The following CADM1 variants were observed in gnomAD, a reference collection of about 807,000 sequenced individuals.
CADM1 encodes the protein TSLC-1.
A neutral mutation model predicts 53.1 loss-of-function variants in CADM1; 15 were observed. The ratio of observed to expected loss-of-function variants is 0.28; its 90% CI spans 0.19 to 0.44. CADM1 has a LOEUF of 0.44. CADM1 is among the 20% of genes least tolerant of loss of function. The pLI is 1.00. For missense variants in CADM1, 434 were observed against 611.3 expected (o/e 0.71, Z 3.06); for synonymous variants, 281 against 243.0 (o/e 1.16, Z -1.45).
chr11:115,432,632 T>C (rs1388863108), intron 1 of CADM1, among the ~76,000 whole-genome samples: 2 of 152,210 alleles, frequency 1.3e-5, no homozygotes, highest in Non-Finnish European at 2.9e-5. Context: ...ATTTCAATAT[T>C]TGTATTGCTC....
At chr11:115,306,856 T>G (rs1014384638) in intron 1 of CADM1, among the ~76,000 whole-genome samples, 1 of 152,012 alleles carries the variant, frequency 6.6e-6, no homozygotes, top group East Asian at 1.9e-4. Flanking sequence ...AGTTTTAATT[T>G]GGTTAATGCA....
chr11:115,314,326 T>G (rs924071611), intron 1 of CADM1, among the ~76,000 whole-genome samples: 11 of 152,130 alleles, frequency 7.2e-5, no homozygotes, highest in Non-Finnish European at 1.0e-4. Flanking sequence ...GGGTCCCTAT[T>G]ATGCATCAAC....
intron 5 of CADM1, among the ~76,000 whole-genome samples, chr11:115,224,452 A>G (rs1269681243): frequency 6.6e-6 from 1 of 152,052 alleles, no homozygotes; most frequent in Non-Finnish European, 1.5e-5. Flanking sequence ...TCAAGCACCC[A>G]TTTCTAGAGT....
rs1183066817 is a variant in CADM1 at position 115,178,648 on chromosome 11, A to T, written c.1293T>A (p.His431Gln). ...GTCTGCTGAAGCTTTGCTTACCTTT[A>T]TGTCTGGCAAAATAGCGCCCCAGAA... Reference protein sequence around the residue: ...LIILGRYFARHKGTYFTHEAK... With the variant: ...LIILGRYFARQKGTYFTHEAK... The change falls in exon 11 of 12, where the codon CAT (histidine) becomes CAA (glutamine). Residue 431 changes from histidine (H) to glutamine (Q), a missense_variant. By Grantham distance (24) the His-to-Gln change is conservative. Around this residue, in one of 4 missense-constraint regions of CADM1, gnomAD observed 311 missense variants for 435.1 expected, o/e 0.71. Coordinates refer to ENST00000331581, the MANE Select transcript of CADM1 (RefSeq NM_001301043.2). The T allele has an allele frequency of 6.2e-7, 1 of 1,613,062 alleles. No homozygotes were observed. Among genetic ancestry groups the T allele is most frequent in the Admixed American group, 1.7e-5 (1 of 60,002 alleles).
chr11:115,240,681 T>C (rs1942197639), intron 1 of CADM1: 8 of 495,142 alleles, frequency 1.6e-5, no homozygotes, highest in Admixed American at 6.4e-5. Flanking sequence ...TAGTACTTTG[T>C]ACTAGTTGAG....
intron 1 of CADM1, among the ~76,000 whole-genome samples, chr11:115,257,498 C>A (rs4936326): frequency 6.6e-6 from 1 of 152,164 alleles, no homozygotes; most frequent in Non-Finnish European, 1.5e-5. Flanking sequence ...AGAACCTTAA[C>A]CTTTAGAATG....
chr11:115,289,389 AAGTT>A (rs1396300235), intron 1 of CADM1, among the ~76,000 whole-genome samples: 1 of 151,500 alleles, frequency 6.6e-6, no homozygotes, highest in African/African-American at 2.4e-5. Context: ...TAAATAAATC[AAGTT>A]ATTTATTTAC....
chr11:115,465,216 G>T (rs1948873977), intron 1 of CADM1, among the ~76,000 whole-genome samples: 1 of 151,930 alleles, frequency 6.6e-6, no homozygotes, highest in South Asian at 2.1e-4. Context: ...ACTACATCCG[G>T]GCTTGAAGAA....
chr11:115,238,738 T>A, intron 2 of CADM1, 86 bp from the exon 3 acceptor site: 2 of 1,368,252 alleles, frequency 1.5e-6, no homozygotes, highest in Non-Finnish European at 2.1e-6. Context: ...TCTTGCTGTA[T>A]CTGATACTTC....
Position 115,176,117 on chromosome 11 carries a change from A to C in CADM1, c.*357T>G. 9.1e-7 allele frequency: 1 copy of C among 1,100,604 alleles called. No homozygotes were observed. The highest frequency in any genetic ancestry group is 1.1e-6 in the Non-Finnish European group (1 of 898,208). The allele number at this position is 1,100,604 out of a possible 1,614,324, so 68.2% of individuals were successfully genotyped here. A position where few individuals can be genotyped will look rare whatever the true frequency, so the allele number is the denominator to read the frequency against. On this transcript the variant is annotated 3_prime_UTR_variant, in exon 12 of 12. Coordinates refer to ENST00000331581, the MANE Select transcript of CADM1 (RefSeq NM_001301043.2). ...AAAAATCCGAAATTGGGGTAGAGGG[A>C]GGAAATAAATGTGCACAAAGGGGGA...
chr11:115,447,065 A>C (rs1948467546), intron 1 of CADM1, among the ~76,000 whole-genome samples: 1 of 152,214 alleles, frequency 6.6e-6, no homozygotes, highest in African/African-American at 2.4e-5. Flanking sequence ...TATGGTACAA[A>C]CATAACAGGT....
At chr11:115,443,067 C>T (rs543716573) in intron 1 of CADM1, among the ~76,000 whole-genome samples, 1 of 152,286 alleles carries the variant, frequency 6.6e-6, no homozygotes, top group East Asian at 1.9e-4. Flanking sequence ...TACTTCAGTA[C>T]CTCTTTCATT....
chr11:115,353,073 T>A (rs1945778146), intron 1 of CADM1, among the ~76,000 whole-genome samples: 1 of 152,240 alleles, frequency 6.6e-6, no homozygotes, highest in Non-Finnish European at 1.5e-5. Context: ...TGCTAAAGGC[T>A]TTTTGAGTTT....
intron 1 of CADM1, among the ~76,000 whole-genome samples, chr11:115,427,690 GA>G (rs1947926086): frequency 6.6e-6 from 1 of 152,002 alleles, no homozygotes; most frequent in African/African-American, 2.4e-5. Flanking sequence ...TAAAGAAAAA[GA>G]AAATATATTA....
intron 1 of CADM1, among the ~76,000 whole-genome samples, chr11:115,460,752 A>G (rs921899779): frequency 6.6e-6 from 1 of 152,016 alleles, no homozygotes; most frequent in Non-Finnish European, 1.5e-5. Flanking sequence ...AGGTAAAAGT[A>G]ACTTTATACT....
intron 1 of CADM1, among the ~76,000 whole-genome samples, chr11:115,361,489 A>G (rs929689324): frequency 2.0e-5 from 3 of 152,180 alleles, no homozygotes; most frequent in African/African-American, 7.2e-5. Context: ...AGTGACTTGT[A>G]TTTTGTTGAA....
At chr11:115,206,758 C>CATTTTTTT (rs1940705764) in intron 8 of CADM1, among the ~76,000 whole-genome samples, 2 of 38,206 alleles carry the variant, frequency 5.2e-5, no homozygotes, top group Non-Finnish European at 9.0e-5. Flanking sequence ...CTGTGGACTT[C>CATTTTTTT]TTTTTTTTTT....
intron 1 of CADM1, among the ~76,000 whole-genome samples, chr11:115,418,473 G>C (rs1322499868): frequency 6.6e-6 from 1 of 152,122 alleles, no homozygotes; most frequent in Admixed American, 6.6e-5. Context: ...CCTCAGGAAA[G>C]CATAAGCCAT....
At chr11:115,295,514 A>ATATATG (rs1441324484) in intron 1 of CADM1, among the ~76,000 whole-genome samples, 44 of 43,882 alleles carry the variant, frequency 1.0e-3, no homozygotes, top group Non-Finnish European at 1.5e-3. Flanking sequence ...TTTTATATAT[A>ATATATG]TATATATATA....
Sources: gnomAD v4.1 joint callset for allele counts (sites outside exome capture counted in the v4.1 genomes callset) on GRCh38, gnomAD v4.1.1 for gene constraint, gnomAD v4.1.1 regional missense constraint, MANE v1.5 for transcripts, NCBI Gene and HGNC (gene_info 2026-07-23, HGNC 2026-07-21) for gene names.